FGFR4: variants seen among roughly 807,000 people sequenced by gnomAD.
The protein encoded by FGFR4 is hydroxyaryl-protein kinase.
In FGFR4, 63 loss-of-function variants were observed where a neutral mutation model predicts 89.9. The observed-to-expected ratio is 0.70, with a 90% CI of 0.57 to 0.86. The LOEUF is 0.86. Ranked by LOEUF, FGFR4 falls within the 40% of genes least tolerant of loss-of-function variation. The pLI, the probability that FGFR4 is intolerant of heterozygous loss-of-function variation, is 0.00. For missense variants in FGFR4, 928 were observed against 1,106.7 expected (o/e 0.84, Z 2.29); for synonymous variants, 486 against 479.4 (o/e 1.01, Z -0.18).
rs370277426 is a variant in FGFR4, at chr5:177,092,309, C to T, written c.728-12C>T. 6.5e-7 allele frequency: 1 copy of T among 1,548,434 alleles called. No individual in the cohort carries two copies. Among genetic ancestry groups the T allele is most frequent in the Non-Finnish European group, 8.7e-7 (1 of 1,143,162 alleles). On this transcript the variant is annotated splice_polypyrimidine_tract_variant and intron_variant, in intron 6 of 17. Transcript: ENST00000292408. ...CCGGTGGTCAGGGTTGACTGTCTCG[C>T]CCGGTCCCCAGAGCGGTCCCCGCAC... is the stretch of plus-strand genomic sequence containing the variant.
At chr5:177,090,846 T>A in intron 4 of FGFR4, 21 bp downstream of exon 4, 1 of 1,614,088 alleles carries the variant, frequency 6.2e-7, no homozygotes, top group Non-Finnish European at 8.5e-7. Context: ...CTCCAAGGAC[T>A]TGTGTCCCCG....
rs1784351841 is a variant in FGFR4 at position 177,091,078 on chromosome 5, G to A, written c.577G>A (p.Gly193Arg). ...RWLKDGQAFH[G>R]ENRIGGIRLR... ...GCTTAAGGATGGACAGGCCTTTCATGGGGAGAACCGCATTGGAGGCATTCG... is the reference window on the plus strand; with the variant it reads ...GCTTAAGGATGGACAGGCCTTTCATAGGGAGAACCGCATTGGAGGCATTCG... The change falls in exon 5 of 18, where the codon GGG becomes AGG. Residue 193 changes from glycine to arginine, a missense_variant. Physicochemically the swap from Gly to Arg is moderately radical, Grantham distance 125. Transcript: ENST00000292408. 1 of 1,593,484 alleles carries A rather than the reference G, an allele frequency of 6.3e-7. No homozygotes were observed. The highest frequency in any genetic ancestry group is 8.6e-7 in the Non-Finnish European group (1 of 1,164,062).
rs1204517144 is a variant in FGFR4, at chr5:177,093,812, C to T, written c.1519+37C>T. The T allele has an allele frequency of 1.9e-6, 3 of 1,588,836 alleles. No homozygotes were observed. The highest frequency in any genetic ancestry group is 1.7e-6 in the Non-Finnish European group (2 of 1,163,244). On this transcript the variant is annotated intron_variant, in intron 11 of 17. Transcript: ENST00000292408. The surrounding 1 kb of genome is among the most constrained non-coding windows in gnomAD (Gnocchi z 5.8). ...CCGGTGTGGTGGCTCACACCTGTAA[C>T]GCCAGCACTTTAGGAGGCTGAGGGT...
chr5:177,093,080 C>A lies in FGFR4; in HGVS notation c.1058-58C>A, dbSNP rs748567208. 6 of 1,592,980 alleles carry A rather than the reference C, an allele frequency of 3.8e-6. No homozygotes were observed. The highest frequency in any genetic ancestry group is 5.2e-6 in the Non-Finnish European group (6 of 1,161,544). On this transcript the variant is annotated intron_variant, in intron 8 of 17. Coordinates refer to ENST00000292408, the MANE Select transcript of FGFR4 (RefSeq NM_213647.3). This position sits in a 1 kb window ranked among gnomAD's most constrained non-coding sequence, Gnocchi z 5.8. ...AGGGACTGAGTTAGGGTGCACGGGG[C>A]GGCCAGTCTCACCACTGACCAGTTT...
At position 177,093,348 on chromosome 5, in the gene FGFR4, C is replaced by T. The variant is rs1469271078; in HGVS notation, c.1251+17C>T. 6.2e-7 allele frequency: 1 copy of T among 1,614,052 alleles called. No homozygotes were observed. Among genetic ancestry groups the T allele is most frequent in the Non-Finnish European group, 8.5e-7 (1 of 1,179,944 alleles). On this transcript the variant is annotated intron_variant, in intron 9 of 17. Coordinates refer to ENST00000292408, the MANE Select transcript of FGFR4 (RefSeq NM_213647.3). The surrounding 1 kb of genome is among the most constrained non-coding windows in gnomAD (Gnocchi z 5.8). ...GCCCGACAGGTACTGGGCGCATCCC[C>T]CACCTCACATGTGACAGCCTGACTC...
rs751803683 is a variant in FGFR4, at chr5:177,091,138, C to G, written c.603+34C>G. ...CTGGGTTCCAAGACCGTCTGCTCCC[C>G]CATTTTCATTCCTTCATCAGTCCCC... On this transcript the variant is annotated intron_variant, in intron 5 of 17. Transcript: ENST00000292408. 274 of 1,510,490 alleles carry G rather than the reference C, an allele frequency of 1.8e-4. 1 individual carries two copies. The highest frequency in any genetic ancestry group is 2.4e-4 in the Non-Finnish European group (273 of 1,121,186). The allele number at this position is 1,510,490 out of a possible 1,614,324, so 93.6% of individuals were successfully genotyped here.
Position 177,095,558 on chromosome 5 carries a change from C to A in FGFR4, c.1656C>A (p.Cys552Ter), listed in dbSNP as rs528265762. 11 of 1,609,468 alleles carry A rather than the reference C, an allele frequency of 6.8e-6. No homozygotes were observed. The highest frequency in any genetic ancestry group is 8.5e-6 in the Non-Finnish European group (10 of 1,178,106). ...GGCCCCTGTACGTGATCGTGGAGTG[C>A]GCCGCCAAGGGAAACCTGCGGGAGT... ...QEGPLYVIVE[C>*]AAKGNLREFL... The change falls in exon 13 of 18, where the codon TGC (cysteine) becomes TGA (stop). Residue 552 changes from cysteine to a stop codon, truncating the protein, a stop_gained. Coordinates refer to ENST00000292408, the MANE Select transcript of FGFR4 (RefSeq NM_213647.3). LOFTEE classifies it high-confidence loss of function. The surrounding 1 kb of genome is among the most constrained non-coding windows in gnomAD (Gnocchi z 5.7).
At chr5:177,091,457 C>T (rs1232814994) in intron 5 of FGFR4, among the ~76,000 whole-genome samples, 1 of 152,220 alleles carries the variant, frequency 6.6e-6, no homozygotes, top group Non-Finnish European at 1.5e-5. Context: ...CTCAAAGTAG[C>T]ACAGCTAGGG....
chr5:177,091,373 G>T (rs985895678), intron 5 of FGFR4, among the ~76,000 whole-genome samples: 1 of 152,188 alleles, frequency 6.6e-6, no homozygotes, highest in Non-Finnish European at 1.5e-5. Flanking sequence ...GCATCTCATC[G>T]TCTTGATGAG....
rs375477942 is a variant in FGFR4, at chr5:177,093,192, T to C, written c.1112T>C (p.Ile371Thr). 1.2e-6 allele frequency: 2 copies of C among 1,613,508 alleles called. No individual in the cohort carries two copies. Among genetic ancestry groups the C allele is most frequent in the South Asian group, 1.1e-5 (1 of 91,074 alleles). The change falls in exon 9 of 18, where the codon ATC (isoleucine) becomes ACC (threonine). Residue 371 changes from isoleucine to threonine, a missense_variant. By Grantham distance (89) the Ile-to-Thr change is moderately conservative. This residue lies in a region of FGFR4 where 741 missense variants were observed against 836.9 expected (regional missense o/e 0.89). Transcript: ENST00000292408. The surrounding 1 kb of genome is among the most constrained non-coding windows in gnomAD (Gnocchi z 5.8). ...CCCGAGGCCAGGTATACGGACATCA[T>C]CCTGTACGCGTCGGGCTCCCTGGCC... The part of the protein sequence containing the change: ...AAPEARYTDI[I>T]LYASGSLALA...
At position 177,095,363 on chromosome 5, in the gene FGFR4, T is replaced by G; in HGVS notation, c.1553T>G (p.Val518Gly). 6.2e-7 allele frequency: 1 copy of G among 1,614,146 alleles called. No homozygotes were observed. The change falls in exon 12 of 18, where the codon GTC becomes GGC. Residue 518 changes from valine to glycine, a missense_variant. Around this residue, in one of 5 missense-constraint regions of FGFR4, gnomAD observed 741 missense variants for 836.9 expected, o/e 0.89. Transcript: ENST00000292408. The surrounding 1 kb of genome is among the most constrained non-coding windows in gnomAD (Gnocchi z 5.7). ...NASDKDLADL[V>G]SEMEVMKLIG... is the part of the protein sequence containing the mutation. ...TCTGACAAGGACCTGGCCGACCTGG[T>G]CTCGGAGATGGAGGTGATGAAGCTG...
In FGFR4 at chr5:177,090,562, T is replaced by C. The variant is rs761885093; in HGVS notation, c.264T>C (p.Ile88=). The C allele has an allele frequency of 2.0e-5, 31 of 1,525,930 alleles. No individual in the cohort carries two copies. The highest frequency in any genetic ancestry group is 2.5e-5 in the Non-Finnish European group (29 of 1,138,648). The allele number at this position is 1,525,930 out of a possible 1,614,324, so 94.5% of individuals were successfully genotyped here. A position where few individuals can be genotyped will look rare whatever the true frequency, so the allele number is the denominator to read the frequency against. The change falls in exon 3 of 18, where the codon ATT becomes ATC. Residue 88 remains isoleucine, a synonymous_variant. Transcript: ENST00000292408. ...RVRGWRGRLE[I]ASFLPEDAGR... ...GGGGCTGGAGGGGCCGCCTAGAGAT[T>C]GCCAGCTTCCTACCTGAGGATGCTG...
chr5:177,089,851 C>A, intron 2 of FGFR4, 158 bp downstream of exon 2: 1 of 934,004 alleles, frequency 1.1e-6, no homozygotes, highest in South Asian at 1.4e-5. Flanking sequence ...CAGTGCCTGG[C>A]TTCCAGCAAG....
rs777953609 is a variant in FGFR4 at position 177,093,178 on chromosome 5, G to T, written c.1098G>T (p.Arg366Ser). ...PTWTAAAPEARYTDIILYASG... is the reference protein window; with the variant it reads ...PTWTAAAPEASYTDIILYASG... ...GGACCGCAGCAGCGCCCGAGGCCAG[G>T]TATACGGACATCATCCTGTACGCGT... The change falls in exon 9 of 18, where the codon AGG becomes AGT. Residue 366 changes from arginine to serine, a missense_variant. Transcript: ENST00000292408. The surrounding 1 kb of genome is among the most constrained non-coding windows in gnomAD (Gnocchi z 5.8). 4 of 1,613,928 alleles carry T rather than the reference G, an allele frequency of 2.5e-6. No homozygotes were observed. In the African/African-American group the frequency reaches 5.3e-5, roughly 22 times the overall value.
rs1460269724 is a variant in FGFR4 at position 177,090,980 on chromosome 5, A to G, written c.479A>G (p.His160Arg). The change falls in exon 5 of 18, where the codon CAT becomes CGT. Residue 160 changes from histidine (H) to arginine (R), a missense_variant. Coordinates refer to ENST00000292408, the MANE Select transcript of FGFR4 (RefSeq NM_213647.3). ...THPQRMEKKL[H>R]AVPAGNTVKF... ...CCCCAGCGCATGGAGAAGAAACTGC[A>G]TGCAGTACCTGCGGGGAACACCGTC... 1 of 1,614,084 alleles carries G rather than the reference A, an allele frequency of 6.2e-7. No individual in the cohort carries two copies. The highest frequency in any genetic ancestry group is 8.5e-7 in the Non-Finnish European group (1 of 1,179,930).
intron 2 of FGFR4, 65 bp from the exon 3 acceptor site, chr5:177,090,325 T>C (rs422421): frequency 0.8 from 1,280,489 of 1,597,734 alleles, 515,598 homozygotes; most frequent in East Asian, 1. Context: ...GGTGTGTTCT[T>C]TGTACACAGG....
In FGFR4 at chr5:177,093,448, C is replaced by T. The variant is rs2149735805; in HGVS notation, c.1294C>T (p.Leu432=). The change falls in exon 10 of 18, where the codon CTG becomes TTG. Residue 432 remains leucine (L), a synonymous_variant. Coordinates refer to ENST00000292408, the MANE Select transcript of FGFR4 (RefSeq NM_213647.3). This position sits in a 1 kb window ranked among gnomAD's most constrained non-coding sequence, Gnocchi z 5.8. ...SGSSGKSSSS[L]VRGVRLSSSG... is the part of the protein sequence containing the mutation. ...CTCTTCCGGCAAGTCAAGCTCATCC[C>T]TGGTACGAGGCGTGCGTCTCTCCTC... 1 of 1,614,114 alleles carries T rather than the reference C, an allele frequency of 6.2e-7. No homozygotes were observed. The highest frequency in any genetic ancestry group is 8.5e-7 in the Non-Finnish European group (1 of 1,180,000).
intron 11 of FGFR4, among the ~76,000 whole-genome samples, chr5:177,094,286 G>A (rs975179179): frequency 6.6e-6 from 1 of 152,042 alleles, no homozygotes; most frequent in South Asian, 2.1e-4. Flanking sequence ...GTCATATGGG[G>A]TAGATAACAG....
In FGFR4 at chr5:177,091,748, AC is replaced by A; in HGVS notation, c.669del (p.Cys224AlafsTer3). 1.2e-6 allele frequency: 2 copies of A among 1,614,120 alleles called. No homozygotes were observed. The highest frequency in any genetic ancestry group is 1.3e-5 in the African/African-American group (1 of 75,024). ...SVVPSDRGTYTCLVENAVGSI... is the reference protein window; with the variant it reads ...SVVPSDRGTYXCLVENAVGSI... ...GGTGCCCTCGGACCGCGGCACATACACCTGCCTGGTAGAGAACGCTGTGGGC... is the reference window on the plus strand; with the variant it reads ...GGTGCCCTCGGACCGCGGCACATACACTGCCTGGTAGAGAACGCTGTGGGC... On this transcript the variant is annotated frameshift_variant, in exon 6 of 18. Coordinates refer to ENST00000292408, the MANE Select transcript of FGFR4 (RefSeq NM_213647.3). LOFTEE classifies it high-confidence loss of function.
Sources: gnomAD v4.1 joint callset for allele counts (sites outside exome capture counted in the v4.1 genomes callset) on GRCh38, gnomAD v4.1.1 for gene constraint, gnomAD v4.1.1 regional missense constraint, Gnocchi (gnomAD v3.1) non-coding constraint, MANE v1.5 for transcripts, NCBI Gene and HGNC (gene_info 2026-07-23, HGNC 2026-07-21) for gene names.